Variants in UBR3 observed in about 807,000 individuals in gnomAD.
UBR3 encodes the protein ubiquitin protein ligase E3 component n-recognin 3, also known as E3 ubiquitin-protein ligase UBR3.
UBR3 carries 85 observed loss-of-function variants against 243.2 expected under a neutral mutation model. The ratio of observed to expected loss-of-function variants is 0.35; its 90% CI spans 0.29 to 0.42. The LOEUF (loss-of-function observed/expected upper bound fraction) is 0.42, where lower values mean the gene tolerates loss of function less well. Ranked by LOEUF, UBR3 falls within the 10% of genes least tolerant of loss-of-function variation. UBR3 has a pLI of 1.00. For synonymous variants in UBR3, 748 were observed against 799.8 expected (o/e 0.94, Z 1.09); for missense variants, 1,686 against 2,300.8 (o/e 0.73, Z 5.47).
chr2:169,917,572 A>C (rs973803533), intron 11 of UBR3, among the ~76,000 whole-genome samples: 1 of 152,240 alleles, frequency 6.6e-6, no homozygotes, highest in Non-Finnish European at 1.5e-5. Context: ...ACTCTAGGAA[A>C]TAGTGTATCT....
chr2:169,888,418 C>T (rs779396336), intron 5 of UBR3, among the ~76,000 whole-genome samples: 2 of 152,110 alleles, frequency 1.3e-5, no homozygotes, highest in African/African-American at 2.4e-5. Context: ...GGATTACAGG[C>T]GTGAGCCACC....
chr2:169,849,304 G>T (rs569372423), intron 1 of UBR3, among the ~76,000 whole-genome samples: 1 of 152,350 alleles, frequency 6.6e-6, no homozygotes, highest in African/African-American at 2.4e-5. Context: ...CTAACATATA[G>T]GAATAGATTG....
intron 7 of UBR3, among the ~76,000 whole-genome samples, chr2:169,896,298 A>AT (rs577768639): frequency 1.6e-4 from 24 of 149,018 alleles, no homozygotes; most frequent in South Asian, 2.1e-4. Context: ...GGGGAAAAAA[A>AT]TTTTTTTTTT....
chr2:170,002,727 C>T (rs773028576), intron 27 of UBR3, among the ~76,000 whole-genome samples: 2 of 152,148 alleles, frequency 1.3e-5, no homozygotes, highest in African/African-American at 4.8e-5. Flanking sequence ...GCCTCTTCTG[C>T]CCCTTCTCAG....
rs114839355 is a variant in UBR3, at chr2:169,930,662, G to A, written c.2566+1794G>A. Among the ~76,000 whole-genome samples, 1,167 of 152,294 alleles carry A rather than the reference G, an allele frequency of 7.7e-3. 17 individuals are homozygous for A. Among genetic ancestry groups the A allele is most frequent in the Non-Finnish European group, 0.013 (873 of 68,018 alleles). On this transcript the variant is annotated intron_variant, in intron 18 of 38. Coordinates refer to ENST00000272793, the MANE Select transcript of UBR3 (RefSeq NM_172070.4). Reference sequence around the variant, plus strand: ...AGCCTCCTAAAGTGCTGGGATTGCAGGTGTGAACCGCCATGCCTAGCCAGT... The same window carrying A: ...AGCCTCCTAAAGTGCTGGGATTGCAAGTGTGAACCGCCATGCCTAGCCAGT...
At chr2:170,074,329 A>G (rs1298081091) in intron 36 of UBR3, among the ~76,000 whole-genome samples, 1 of 152,196 alleles carries the variant, frequency 6.6e-6, no homozygotes, top group Non-Finnish European at 1.5e-5. Context: ...GACCAGATGT[A>G]CATGACTTTA....
intron 10 of UBR3, 67 bp from the exon 11 acceptor site, chr2:169,913,993 T>C (rs2085355721): frequency 1.4e-6 from 1 of 703,850 alleles, no homozygotes; most frequent in Non-Finnish European, 2.0e-6. Context: ...TATAATTACA[T>C]ATAATTTAAT....
chr2:169,934,522 C>T (rs2086252734), intron 19 of UBR3, among the ~76,000 whole-genome samples: 1 of 152,156 alleles, frequency 6.6e-6, no homozygotes, highest in South Asian at 2.1e-4. Flanking sequence ...ACACATGAGC[C>T]ACCGTGCCTG....
intron 24 of UBR3, among the ~76,000 whole-genome samples, chr2:169,978,651 T>C (rs986187495): frequency 6.6e-6 from 1 of 151,968 alleles, no homozygotes; most frequent in Non-Finnish European, 1.5e-5. Flanking sequence ...TCCCAGACTC[T>C]GTGATCCCAG....
Position 169,933,016 on chromosome 2 carries a change from C to T in UBR3, c.2663+8C>T. On this transcript the variant is annotated splice_region_variant and intron_variant, in intron 19 of 38. Transcript: ENST00000272793. ...GGACAGATATACTGCATTGTAAGTC[C>T]ATCAAATTGATTAGCATCATAACAG... 6.6e-7 allele frequency: 1 copy of T among 1,504,440 alleles called. No individual in the cohort carries two copies. 93.2% of individuals were successfully genotyped at this position (1,504,440 alleles called of 1,614,324 possible).
rs2090194595 is a variant in UBR3, at chr2:170,015,050, G to A, written c.4368-231G>A. On this transcript the variant is annotated intron_variant, in intron 29 of 38. Coordinates refer to ENST00000272793, the MANE Select transcript of UBR3 (RefSeq NM_172070.4). ...TTGCAACAATTACACCATGATGTGT[G>A]CAATTTTTTGCAGGTGTAAATATGA... 1.4e-5 allele frequency: 5 copies of A among 356,508 alleles called. No homozygotes were observed. In the South Asian group the frequency reaches 3.0e-4, roughly 21 times the overall value. The allele number at this position is 356,508 out of a possible 1,614,324, so 22.1% of individuals were successfully genotyped here. A position where few individuals can be genotyped will look rare whatever the true frequency, so the allele number is the denominator to read the frequency against.
chr2:170,001,189 T>G (rs2105399759), intron 26 of UBR3, 115 bp from the exon 27 acceptor site: 1 of 702,922 alleles, frequency 1.4e-6, no homozygotes, highest in South Asian at 2.1e-5. Context: ...GAATAGAAAC[T>G]CCACATTAAT....
At position 169,994,371 on chromosome 2, in the gene UBR3, G is replaced by A. The variant is rs1472600101; in HGVS notation, c.3833G>A (p.Ser1278Asn). 5.6e-6 allele frequency: 9 copies of A among 1,614,016 alleles called. No homozygotes were observed. The highest frequency in any genetic ancestry group is 7.6e-6 in the Non-Finnish European group (9 of 1,180,032). Reference sequence around the variant, plus strand: ...GTTGAGCCAAAAAAGTTGCCGATCAGTGAAGAGGAGCAGATTTACCCTTGG... The same window carrying A: ...GTTGAGCCAAAAAAGTTGCCGATCAATGAAGAGGAGCAGATTTACCCTTGG... ...DNVEPKKLPI[S>N]EEEQIYPWDT... Residue 1278 changes from serine (S) to asparagine (N), a missense_variant, in exon 26 of 39, where the codon AGT becomes AAT. This residue lies in a region of UBR3 where 156 missense variants were observed against 246.3 expected (regional missense o/e 0.63). Transcript: ENST00000272793.
intron 10 of UBR3, among the ~76,000 whole-genome samples, chr2:169,911,496 C>T (rs1241290683): frequency 6.6e-6 from 1 of 152,034 alleles, no homozygotes; most frequent in Admixed American, 6.6e-5. Flanking sequence ...GTAATTTGCT[C>T]AAGGTCATAA....
rs16857360 is a variant in UBR3 at position 169,994,179 on chromosome 2, T to C, written c.3785-144T>C. 3.1e-3 allele frequency: 2,781 copies of C among 885,246 alleles called. 66 individuals are homozygous for C. In the African/African-American group the frequency reaches 0.04, roughly 13 times the overall value. 54.8% of individuals were successfully genotyped at this position (885,246 alleles called of 1,614,324 possible). Reference sequence around the variant, plus strand: ...TTTAGCCTGTAGGAGAAAACTAGAATACCACTTTTTTGAGGGGTCTTTAAA... The same window carrying C: ...TTTAGCCTGTAGGAGAAAACTAGAACACCACTTTTTTGAGGGGTCTTTAAA... On this transcript the variant is annotated intron_variant, in intron 25 of 38. Transcript: ENST00000272793.
At chr2:169,909,190 G>A (rs777386068) in intron 10 of UBR3, among the ~76,000 whole-genome samples, 1 of 152,184 alleles carries the variant, frequency 6.6e-6, no homozygotes, top group African/African-American at 2.4e-5. Flanking sequence ...TGGAGAGATA[G>A]GCAGAGATCA....
intron 1 of UBR3, among the ~76,000 whole-genome samples, chr2:169,864,984 A>G (rs922599938): frequency 6.7e-6 from 1 of 150,372 alleles, no homozygotes; most frequent in Middle Eastern, 3.5e-3. Context: ...TACTCTGGAG[A>G]CTGAGGCAGG....
intron 25 of UBR3, among the ~76,000 whole-genome samples, chr2:169,990,556 T>C (rs982230912): frequency 6.6e-6 from 1 of 152,074 alleles, no homozygotes; most frequent in Non-Finnish European, 1.5e-5. Flanking sequence ...TGTTCTTGTT[T>C]GTGGAAGAGT....
At chr2:170,075,971 G>A (rs2091800142) in intron 36 of UBR3, among the ~76,000 whole-genome samples, 1 of 150,226 alleles carries the variant, frequency 6.7e-6, no homozygotes, top group African/African-American at 2.4e-5. Context: ...CAGAATTGAA[G>A]AGCTTAACTG....
Sources: gnomAD v4.1 joint callset for allele counts (sites outside exome capture counted in the v4.1 genomes callset) on GRCh38, gnomAD v4.1.1 for gene constraint, gnomAD v4.1.1 regional missense constraint, MANE v1.5 for transcripts, NCBI Gene and HGNC (gene_info 2026-07-23, HGNC 2026-07-21) for gene names.